Variants in TUSC3 observed in about 807,000 individuals in gnomAD.
TUSC3 encodes dolichyl-diphosphooligosaccharide--protein glycosyltransferase subunit TUSC3.
TUSC3 carries 45 observed loss-of-function variants against 44.8 expected under a neutral mutation model. That is an observed-to-expected ratio of 1.00 (90% CI 0.79 to 1.29). TUSC3 has a LOEUF of 1.29. Ranked by LOEUF, TUSC3 falls within the 50% of genes most tolerant of loss-of-function variation. The pLI is 0.00. For missense variants in TUSC3, 519 were observed against 437.9 expected (o/e 1.19, Z -1.65); for synonymous variants, 212 against 152.9 (o/e 1.39, Z -2.85).
intron 2 of TUSC3, among the ~76,000 whole-genome samples, chr8:15,644,281 C>T (rs548570506): frequency 6.6e-6 from 1 of 152,306 alleles, no homozygotes; most frequent in East Asian, 1.9e-4. Flanking sequence ...TTTGACGCAG[C>T]GTGACTGCCC....
intron 1 of TUSC3, among the ~76,000 whole-genome samples, chr8:15,619,920 T>C (rs2129162888): frequency 6.6e-6 from 1 of 152,230 alleles, no homozygotes; most frequent in South Asian, 2.1e-4. Context: ...TTCAGAATTG[T>C]GAAAAAATGA....
At chr8:15,734,689 G>C (rs1810861177) in intron 7 of TUSC3, among the ~76,000 whole-genome samples, 1 of 152,210 alleles carries the variant, frequency 6.6e-6, no homozygotes, top group African/African-American at 2.4e-5. Flanking sequence ...GAAGTAGCAA[G>C]AGAGGAACTA....
At chr8:15,769,373 A>T (rs1229957380), downstream of TUSC3, among the ~76,000 whole-genome samples, 1 of 152,204 alleles carries the variant, frequency 6.6e-6, no homozygotes, top group Non-Finnish European at 1.5e-5. Context: ...CTGGCTAGCT[A>T]TATGCAGAAA....
At chr8:15,770,185 G>C (rs1041194302), downstream of TUSC3, among the ~76,000 whole-genome samples, 1 of 152,152 alleles carries the variant, frequency 6.6e-6, no homozygotes, top group African/African-American at 2.4e-5. Context: ...TGATAGACTG[G>C]ATAAAGAAAA....
At chr8:15,683,742 C>T (rs1808514349) in intron 6 of TUSC3, among the ~76,000 whole-genome samples, 1 of 152,250 alleles carries the variant, frequency 6.6e-6, no homozygotes, top group South Asian at 2.1e-4. Flanking sequence ...TGCACTGATT[C>T]CTTCTCAGAA....
chr8:15,527,849 A>G (rs1801396416), intron 2 of TUSC3, among the ~76,000 whole-genome samples: 1 of 152,228 alleles, frequency 6.6e-6, no homozygotes, highest in Admixed American at 6.5e-5. Flanking sequence ...AACATTCCGT[A>G]TACATTCTCC....
rs1812300551 is a variant in TUSC3 at position 15,765,422 on chromosome 8, ATTG to A, written c.*1269_*1271del. 6.6e-6 allele frequency: 1 copy of A among 151,960 alleles called. No individual in the cohort carries two copies. Among genetic ancestry groups the A allele is most frequent in the Non-Finnish European group, 1.5e-5 (1 of 67,896 alleles). The allele number at this position is 151,960 out of a possible 1,614,324, so 9.4% of individuals were successfully genotyped here. A position where few individuals can be genotyped will look rare whatever the true frequency, so the allele number is the denominator to read the frequency against. On this transcript the variant is annotated 3_prime_UTR_variant, in exon 11 of 11. Transcript: ENST00000503731. ...AGATTTGAGTAACAGACCATGGAGA[ATTG>A]TTTTCATTGGGAGTTCCAGCTATAT... is the stretch of plus-strand genomic sequence containing the variant.
intron 6 of TUSC3, among the ~76,000 whole-genome samples, chr8:15,688,587 A>G (rs779228140): frequency 6.6e-6 from 1 of 152,084 alleles, no homozygotes; most frequent in Non-Finnish European, 1.5e-5. Flanking sequence ...CTCACCCTCA[A>G]GTATACCCTA....
chr8:15,477,923 C>G (rs1259158376), intron 1 of TUSC3, among the ~76,000 whole-genome samples: 2 of 151,962 alleles, frequency 1.3e-5, no homozygotes, highest in African/African-American at 4.8e-5. Flanking sequence ...AGTAAAAGAT[C>G]TATAGAAATT....
the TUSC3 span, among the ~76,000 whole-genome samples, chr8:15,790,801 A>G: frequency 6.6e-6 from 1 of 152,170 alleles, no homozygotes; most frequent in Non-Finnish European, 1.5e-5. Context: ...AATTAATTCA[A>G]TATGGCTGAG....
At chr8:15,490,866 T>C (rs1443679786) in intron 2 of TUSC3, among the ~76,000 whole-genome samples, 1 of 152,224 alleles carries the variant, frequency 6.6e-6, no homozygotes, top group Non-Finnish European at 1.5e-5. Context: ...TAGTCATTCT[T>C]AGAAGTTTAT....
intron 2 of TUSC3, among the ~76,000 whole-genome samples, chr8:15,649,994 T>C (rs1018456509): frequency 2.0e-5 from 3 of 152,228 alleles, no homozygotes; most frequent in African/African-American, 7.2e-5. Context: ...GCCATTTTTC[T>C]GTTTCTTCTC....
chr8:15,655,772 C>A (rs1585198570), intron 3 of TUSC3, among the ~76,000 whole-genome samples: 1 of 152,246 alleles, frequency 6.6e-6, no homozygotes, highest in East Asian at 1.9e-4. Context: ...TAGCTCTATT[C>A]CTGATGGATA....
chr8:15,839,567 G>A, the TUSC3 span, among the ~76,000 whole-genome samples: 5 of 152,058 alleles, frequency 3.3e-5, no homozygotes, highest in South Asian at 8.3e-4. Flanking sequence ...GTGGGTGAAG[G>A]ATATGAACAG....
chr8:15,450,170 T>C (rs1396211215), intron 1 of TUSC3, among the ~76,000 whole-genome samples: 3 of 152,234 alleles, frequency 2.0e-5, no homozygotes, highest in African/African-American at 7.2e-5. Flanking sequence ...ACTAACATTA[T>C]TTGTTTCTGG....
At chr8:15,755,764 T>G (rs762485317) in intron 9 of TUSC3, among the ~76,000 whole-genome samples, 2 of 152,132 alleles carry the variant, frequency 1.3e-5, no homozygotes, top group South Asian at 2.1e-4. Context: ...GGTGTTATGT[T>G]CAGAAAGGAA....
At chr8:15,468,897 G>A (rs1326635353) in intron 1 of TUSC3, among the ~76,000 whole-genome samples, 1 of 151,332 alleles carries the variant, frequency 6.6e-6, no homozygotes, top group African/African-American at 2.4e-5. Flanking sequence ...AATAATCTGA[G>A]TTAAGAGTGC....
At chr8:15,594,058 C>T (rs1404486119) in intron 1 of TUSC3, among the ~76,000 whole-genome samples, 1 of 152,182 alleles carries the variant, frequency 6.6e-6, no homozygotes, top group African/African-American at 2.4e-5. Flanking sequence ...TTGTATACTA[C>T]TTGTATACCC....
upstream of TUSC3, among the ~76,000 whole-genome samples, chr8:15,537,860 G>C (rs902509579): frequency 6.6e-6 from 1 of 152,142 alleles, no homozygotes; most frequent in African/African-American, 2.4e-5. Flanking sequence ...ATATTTTACT[G>C]ATAAAGATAA....
Sources: gnomAD v4.1 joint callset for allele counts (sites outside exome capture counted in the v4.1 genomes callset) on GRCh38, gnomAD v4.1.1 for gene constraint, MANE v1.5 for transcripts, NCBI Gene and HGNC (gene_info 2026-07-23, HGNC 2026-07-21) for gene names.